LUC7L2: variants seen among roughly 807,000 people sequenced by gnomAD.
LUC7L2 encodes the protein putative RNA-binding protein Luc7-like 2.
In LUC7L2, 25 loss-of-function variants were observed where a neutral mutation model predicts 52.8. That is an observed-to-expected ratio of 0.47 (90% CI 0.34 to 0.66). The LOEUF is 0.66. LUC7L2 is among the 30% of genes least tolerant of loss of function. The pLI is 0.01. For missense variants in LUC7L2, 328 were observed against 497.8 expected (o/e 0.66, Z 3.25); for synonymous variants, 144 against 160.9 (o/e 0.89, Z 0.80).
At chr7:139,363,325 T>C (rs73154139) in intron 1 of LUC7L2, 14,059 of 788,602 alleles carry the variant, frequency 0.018, 121 homozygotes, top group Middle Eastern at 0.02. Context: ...CTCATACCCA[T>C]ATAACTGGGG....
intron 1 of LUC7L2, among the ~76,000 whole-genome samples, chr7:139,374,046 A>G (rs1339682387): frequency 2.0e-5 from 3 of 152,202 alleles, no homozygotes; most frequent in Admixed American, 2.0e-4. Context: ...AATAGCATTG[A>G]CATTCTGATA....
At chr7:139,384,133 CTT>C (rs1794087014) in intron 2 of LUC7L2, among the ~76,000 whole-genome samples, 1 of 152,068 alleles carries the variant, frequency 6.6e-6, no homozygotes, top group African/African-American at 2.4e-5. Flanking sequence ...TTGTTTAACT[CTT>C]TTCCCATAAA....
intron 2 of LUC7L2, among the ~76,000 whole-genome samples, chr7:139,388,936 T>C (rs1351918929): frequency 6.6e-6 from 1 of 152,214 alleles, no homozygotes; most frequent in Non-Finnish European, 1.5e-5. Context: ...TTTACTCTGC[T>C]GCCATTAGCT....
intron 1 of LUC7L2, chr7:139,341,382 A>G (rs1290153734): frequency 6.2e-7 from 1 of 1,612,456 alleles, no homozygotes; most frequent in South Asian, 1.1e-5. Flanking sequence ...GAAGGACAGG[A>G]CAATGGCGGC....
At chr7:139,341,138 C>T (rs2131131235) in intron 1 of LUC7L2, 1 of 479,584 alleles carries the variant, frequency 2.1e-6, no homozygotes, top group Non-Finnish European at 3.3e-6. Context: ...TCCCCAAACC[C>T]TTGTTCTGGG....
intron 1 of LUC7L2, 129 bp downstream of exon 1, chr7:139,360,451 C>T (rs1240794172): frequency 2.2e-5 from 16 of 739,872 alleles, no homozygotes; most frequent in Non-Finnish European, 6.5e-6. Flanking sequence ...ACACGAGGTC[C>T]CCGTCCCCCG....
Position 139,360,248 on chromosome 7 carries a change from G to A in LUC7L2, c.-14G>A. On this transcript the variant is annotated 5_prime_UTR_variant, in exon 1 of 10. Transcript: ENST00000354926. ...GCGCCCCACCCCCGCCCGTCCGCCC[G>A]CTACGCCGCCGCCATGTCGGCGCAG... is the stretch of plus-strand genomic sequence containing the variant. 1.3e-6 allele frequency: 2 copies of A among 1,547,518 alleles called. No homozygotes were observed. Among genetic ancestry groups the A allele is most frequent in the Non-Finnish European group, 1.7e-6 (2 of 1,146,744 alleles).
At position 139,422,239 on chromosome 7, in the gene LUC7L2, C is replaced by A; in HGVS notation, c.1078C>A (p.Arg360Ser). 5 of 1,614,122 alleles carry A rather than the reference C, an allele frequency of 3.1e-6. No homozygotes were observed. Among genetic ancestry groups the A allele is most frequent in the Non-Finnish European group, 3.4e-6 (4 of 1,180,014 alleles). The change falls in exon 10 of 10, where the codon CGT becomes AGT. Residue 360 changes from arginine to serine, a missense_variant. Physicochemically the swap from Arg to Ser is moderately radical, Grantham distance 110 (BLOSUM62 -1). Coordinates refer to ENST00000354926, the MANE Select transcript of LUC7L2 (RefSeq NM_016019.5). ...RDRSSRDRSP[R>S]DRDRKDKKRS... The stretch of plus-strand genomic sequence containing the variant: ...CAGGAGTTCAAGAGACAGATCACCT[C>A]GTGACAGAGATCGGAAAGATAAGAA...
rs564683603 is a variant in LUC7L2, at chr7:139,414,497, A to T, written c.809+1917A>T. Among the ~76,000 whole-genome samples the T allele has an allele frequency of 2.6e-5, 4 of 152,386 alleles. No homozygotes were observed. The South Asian group carries it at 8.3e-4, about 32-fold the overall frequency. On this transcript the variant is annotated intron_variant, in intron 8 of 9. Coordinates refer to ENST00000354926, the MANE Select transcript of LUC7L2 (RefSeq NM_016019.5). Reference sequence around the variant, plus strand: ...GGTTGGACAAGCTTGGCATAGCCCAAACTGCCCTGGGATAGTTCTGGTTTA... The same window carrying T: ...GGTTGGACAAGCTTGGCATAGCCCATACTGCCCTGGGATAGTTCTGGTTTA...
chr7:139,375,628 G>A (rs975442860), intron 1 of LUC7L2: 1 of 983,694 alleles, frequency 1.0e-6, no homozygotes, highest in Admixed American at 6.1e-5. Context: ...TTCAATTACT[G>A]TAAATAAAAA....
chr7:139,412,256 C>G (rs1363354190), intron 7 of LUC7L2, among the ~76,000 whole-genome samples: 1 of 150,998 alleles, frequency 6.6e-6, no homozygotes, highest in Non-Finnish European at 1.5e-5. Flanking sequence ...AGAAAAAATC[C>G]GAAACACTTA....
chr7:139,376,070 A>G lies in LUC7L2; in HGVS notation c.70A>G (p.Thr24Ala). 2 of 1,613,766 alleles carry G rather than the reference A, an allele frequency of 1.2e-6. No homozygotes were observed. Among genetic ancestry groups the G allele is most frequent in the Non-Finnish European group, 1.7e-6 (2 of 1,179,878 alleles). ...ACTCTTCTATATTACAGGAGATACA[A>G]CTCGTCAACGAATCAAATTCAGTGA... ...LMGTSRDGDT[T>A]RQRIKFSDDR... Residue 24 changes from threonine to alanine, a missense_variant, in exon 2 of 10, where the codon ACT becomes GCT. Physicochemically the swap from Thr to Ala is moderately conservative, Grantham distance 58. Around this residue, in one of 2 missense-constraint regions of LUC7L2, gnomAD observed 133 missense variants for 274.4 expected, o/e 0.48. Coordinates refer to ENST00000354926, the MANE Select transcript of LUC7L2 (RefSeq NM_016019.5).
At chr7:139,419,137 A>AAC (rs1474965345) in intron 9 of LUC7L2, among the ~76,000 whole-genome samples, 31 of 152,062 alleles carry the variant, frequency 2.0e-4, no homozygotes, top group Admixed American at 1.3e-3. Flanking sequence ...AAACAAAAAA[A>AAC]AAAACAAAAA....
chr7:139,377,971 C>T (rs1202505381), intron 2 of LUC7L2, among the ~76,000 whole-genome samples: 2 of 151,786 alleles, frequency 1.3e-5, no homozygotes, highest in Admixed American at 1.3e-4. Context: ...GCACACACCA[C>T]CATGCTCGGC....
At chr7:139,404,963 C>T (rs528576926) in intron 4 of LUC7L2, among the ~76,000 whole-genome samples, 1 of 152,292 alleles carries the variant, frequency 6.6e-6, no homozygotes, top group African/African-American at 2.4e-5. Context: ...TTCTTTAACT[C>T]ATATTTGAGC....
intron 1 of LUC7L2, chr7:139,375,368 TG>T (rs1800655894): frequency 1.0e-6 from 1 of 985,382 alleles, no homozygotes; most frequent in East Asian, 1.1e-4. Context: ...ACATAAAACT[TG>T]GAGGTATGGA....
chr7:139,355,381 C>T (rs1799577214), upstream of LUC7L2, among the ~76,000 whole-genome samples: 1 of 150,914 alleles, frequency 6.6e-6, no homozygotes, highest in Non-Finnish European at 1.5e-5. Flanking sequence ...ATGTTTAGCA[C>T]ACAAAGAAAA....
chr7:139,376,241 G>C, intron 2 of LUC7L2, 85 bp downstream of exon 2: 1 of 1,400,826 alleles, frequency 7.1e-7, no homozygotes, highest in Non-Finnish European at 9.9e-7. Flanking sequence ...TGTGTCAAAA[G>C]AATTGACTTG....
At chr7:139,405,297 G>A (rs901975679) in intron 4 of LUC7L2, among the ~76,000 whole-genome samples, 2 of 152,208 alleles carry the variant, frequency 1.3e-5, no homozygotes, top group African/African-American at 2.4e-5. Flanking sequence ...TAAGTTTGGG[G>A]AAACTATAAA....
Sources: allele counts gnomAD v4.1 joint callset (sites outside exome capture counted in the v4.1 genomes callset), GRCh38; gene constraint gnomAD v4.1.1; regional missense constraint gnomAD v4.1.1; transcripts MANE v1.5; gene names NCBI Gene and HGNC (gene_info 2026-07-23, HGNC 2026-07-21).